Variants in AHI1 observed in about 807,000 individuals in gnomAD.
The protein encoded by AHI1 is jouberin.
Under a neutral mutation model 149.3 loss-of-function variants are expected in AHI1, and 123 were observed. That is an observed-to-expected ratio of 0.82 (90% confidence interval 0.71 to 0.96). The LOEUF (loss-of-function observed/expected upper bound fraction) is 0.96. Ranked by LOEUF, AHI1 falls within the 40% of genes least tolerant of loss-of-function variation. The probability of loss-of-function intolerance (pLI) is 0.00; values close to 1 mark genes in which losing one functional copy is unlikely to be tolerated. For missense variants in AHI1, 1,439 were observed against 1,422.7 expected (o/e 1.01, Z -0.18); for synonymous variants, 475 against 459.8 (o/e 1.03, Z -0.42).
chr6:135,351,377 C>T lies in AHI1; in HGVS notation c.3165+6755G>A, dbSNP rs142653554. Among the ~76,000 whole-genome samples the T allele has an allele frequency of 4.4e-3, 673 of 152,258 alleles. 8 individuals carry two copies. The highest frequency in any genetic ancestry group is 0.015 in the African/African-American group (624 of 41,552). ...CAGCAGCTGGTATACACAAATATAT[C>T]GAGTGAGGTCCTATTTGCATAAACT... On this transcript the variant is annotated intron_variant, in intron 24 of 28. Coordinates refer to ENST00000265602, the MANE Select transcript of AHI1 (RefSeq NM_001134831.2).
chr6:135,310,802 T>C (rs536182098), intron 26 of AHI1, among the ~76,000 whole-genome samples: 1 of 152,306 alleles, frequency 6.6e-6, no homozygotes, highest in South Asian at 2.1e-4. Flanking sequence ...ATCTAGCATT[T>C]ATATAAAAAC....
At chr6:135,286,679 T>C (rs1781726353) in intron 28 of AHI1, 1 of 152,230 alleles carries the variant, frequency 6.6e-6, no homozygotes, top group African/African-American at 2.4e-5. Flanking sequence ...TCTTTTCATA[T>C]AAAACACATT....
intron 24 of AHI1, among the ~76,000 whole-genome samples, chr6:135,342,475 T>C (rs528208034): frequency 6.6e-6 from 1 of 151,960 alleles, no homozygotes; most frequent in Admixed American, 6.6e-5. Context: ...CCCTTATGAA[T>C]ACTGATGCAA....
chr6:135,425,196 G>A (rs1486693828), intron 20 of AHI1, among the ~76,000 whole-genome samples: 1 of 151,840 alleles, frequency 6.6e-6, no homozygotes, highest in Non-Finnish European at 1.5e-5. Context: ...GTGATATATT[G>A]CACAAATAAT....
intron 24 of AHI1, among the ~76,000 whole-genome samples, chr6:135,324,941 C>G (rs1787421837): frequency 6.6e-6 from 1 of 152,006 alleles, no homozygotes; most frequent in South Asian, 2.1e-4. Context: ...TCAACTGGCT[C>G]AAATGCAATG....
intron 23 of AHI1, among the ~76,000 whole-genome samples, chr6:135,373,339 T>C (rs529487583): frequency 1.9e-4 from 29 of 152,334 alleles, no homozygotes; most frequent in African/African-American, 3.8e-4. Flanking sequence ...GTAGGAACAG[T>C]TGGCCATACC....
chr6:135,466,422 T>C (rs1351801372), intron 6 of AHI1, 49 bp from the exon 7 acceptor site: 1 of 1,462,418 alleles, frequency 6.8e-7, no homozygotes, highest in East Asian at 2.3e-5. Context: ...CATAGATTAG[T>C]TATATAAAGA....
intron 14 of AHI1, among the ~76,000 whole-genome samples, chr6:135,441,799 G>T (rs982412): frequency 0.85 from 129,391 of 152,076 alleles, 56,008 homozygotes; most frequent in Middle Eastern, 0.95. Flanking sequence ...CGACACAAGT[G>T]ATTTTTTATT....
rs375597238 is a variant in AHI1, at chr6:135,285,567, A to G, written c.*78T>C. 2.7e-5 allele frequency: 39 copies of G among 1,466,900 alleles called. 1 individual carries two copies. The highest frequency in any genetic ancestry group is 6.9e-5 in the East Asian group (3 of 43,788). The allele number at this position is 1,466,900 out of a possible 1,614,324, so 90.9% of individuals were successfully genotyped here. A position where few individuals can be genotyped will look rare whatever the true frequency, so the allele number is the denominator to read the frequency against. On this transcript the variant is annotated 3_prime_UTR_variant, in exon 29 of 29. Transcript: ENST00000265602. ...CCTCCTTAGTATCTGAAAATTCTGA[A>G]CTCTGAAGAGAAATTCCATTTGGTT...
At chr6:135,413,340 A>G (rs1469698310) in intron 20 of AHI1, among the ~76,000 whole-genome samples, 2 of 152,156 alleles carry the variant, frequency 1.3e-5, no homozygotes, top group Non-Finnish European at 2.9e-5. Context: ...TAAGACTTAA[A>G]TATATAAATA....
chr6:135,489,434 G>A (rs1296201489), intron 5 of AHI1, among the ~76,000 whole-genome samples: 1 of 152,180 alleles, frequency 6.6e-6, no homozygotes, highest in African/African-American at 2.4e-5. Flanking sequence ...GACAATATGA[G>A]GTTCTTCTCT....
intron 6 of AHI1, 65 bp from the exon 7 acceptor site, chr6:135,466,438 C>A: frequency 7.4e-7 from 1 of 1,346,298 alleles, no homozygotes. Context: ...AAAGAAAAAC[C>A]TAATAATTAA....
At chr6:135,378,889 C>T (rs1282670945) in intron 23 of AHI1, among the ~76,000 whole-genome samples, 4 of 151,980 alleles carry the variant, frequency 2.6e-5, no homozygotes, top group Admixed American at 2.0e-4. Context: ...GGGTAAGAAA[C>T]ATCCAAGTTA....
intron 23 of AHI1, among the ~76,000 whole-genome samples, chr6:135,372,714 C>G (rs987043908): frequency 6.6e-6 from 1 of 151,860 alleles, no homozygotes; most frequent in African/African-American, 2.4e-5. Context: ...TACTAAACAA[C>G]AAGATAACCC....
At chr6:135,323,636 CTTT>C (rs1787214538) in intron 24 of AHI1, among the ~76,000 whole-genome samples, 1 of 152,070 alleles carries the variant, frequency 6.6e-6, no homozygotes, top group East Asian at 1.9e-4. Context: ...ACACCATTTA[CTTT>C]TTTAGAATTG....
In AHI1 at chr6:135,465,923, C is replaced by T. The variant is rs1014017991; in HGVS notation, c.640G>A (p.Glu214Lys). 6.2e-7 allele frequency: 1 copy of T among 1,602,828 alleles called. No homozygotes were observed. Reference sequence around the variant, plus strand: ...TCTGAGGGAAAGTAAGTCAACTGTTCTTTCAGTTTCTTTCTTATTTTCCTC... The same window carrying T: ...TCTGAGGGAAAGTAAGTCAACTGTTTTTTCAGTTTCTTTCTTATTTTCCTC... Reference protein sequence around the residue: ...IKRKIRKKLKEQLTYFPSDTL... With the variant: ...IKRKIRKKLKKQLTYFPSDTL... The change falls in exon 7 of 29, where the codon GAA becomes AAA. Residue 214 changes from glutamate (E) to lysine (K), a missense_variant. Physicochemically the swap from Glu to Lys is moderately conservative, Grantham distance 56 (BLOSUM62 1). Transcript: ENST00000265602.
chr6:135,495,045 T>A (rs546955024), intron 3 of AHI1, among the ~76,000 whole-genome samples: 1 of 152,330 alleles, frequency 6.6e-6, no homozygotes, highest in Admixed American at 6.5e-5. Flanking sequence ...GACAATTCTT[T>A]ACAGAATTCT....
chr6:135,363,463 C>T (rs369262770), intron 23 of AHI1, among the ~76,000 whole-genome samples: 14 of 152,200 alleles, frequency 9.2e-5, no homozygotes, highest in Non-Finnish European at 1.3e-4. Flanking sequence ...TACACAGACA[C>T]GGCAACCATC....
At chr6:135,352,432 G>A (rs1435202838) in intron 24 of AHI1, among the ~76,000 whole-genome samples, 1 of 151,940 alleles carries the variant, frequency 6.6e-6, no homozygotes, top group Non-Finnish European at 1.5e-5. Context: ...CTAGCAAAAC[G>A]CATTCTTTTA....
Sources: gnomAD v4.1 joint callset for allele counts (sites outside exome capture counted in the v4.1 genomes callset) on GRCh38, gnomAD v4.1.1 for gene constraint, MANE v1.5 for transcripts, NCBI Gene and HGNC (gene_info 2026-07-23, HGNC 2026-07-21) for gene names.